The following TRIM9 variants were observed in gnomAD, a reference collection of about 807,000 sequenced individuals.
The protein encoded by TRIM9 is E3 ubiquitin-protein ligase TRIM9.
TRIM9 carries 26 observed loss-of-function variants against 78.3 expected under a neutral mutation model. The observed-to-expected ratio is 0.33, with a 90% CI of 0.24 to 0.46. The LOEUF is 0.46. Ranked by LOEUF, TRIM9 falls within the 20% of genes least tolerant of loss-of-function variation. The probability of loss-of-function intolerance (pLI) is 1.00; values close to 1 mark genes in which losing one functional copy is unlikely to be tolerated. For missense variants in TRIM9, 787 were observed against 1,036.4 expected (o/e 0.76, Z 3.30); for synonymous variants, 398 against 416.5 (o/e 0.96, Z 0.54).
intron 3 of TRIM9, among the ~76,000 whole-genome samples, chr14:51,013,273 C>G (rs2056792047): frequency 6.7e-6 from 1 of 149,890 alleles, no homozygotes; most frequent in Non-Finnish European, 1.5e-5. Flanking sequence ...CCCCACACCA[C>G]TTATTAAAAA....
chr14:51,004,157 G>A (rs1219128402), intron 5 of TRIM9, among the ~76,000 whole-genome samples: 2 of 152,038 alleles, frequency 1.3e-5, no homozygotes, highest in Non-Finnish European at 2.9e-5. Flanking sequence ...ATCATTCTGG[G>A]GCAGCTTTTG....
At chr14:51,047,079 T>C (rs2060005435) in intron 1 of TRIM9, among the ~76,000 whole-genome samples, 2 of 152,206 alleles carry the variant, frequency 1.3e-5, no homozygotes, top group Admixed American at 1.3e-4. Flanking sequence ...GCATAGTGTG[T>C]TGTTTCTCAA....
At chr14:51,004,729 C>T (rs1333257133) in intron 5 of TRIM9, among the ~76,000 whole-genome samples, 4 of 152,182 alleles carry the variant, frequency 2.6e-5, no homozygotes, top group Non-Finnish European at 1.5e-5. Flanking sequence ...TAAGGTTTTA[C>T]AGCTAGTAAG....
At chr14:51,008,989 G>T in intron 5 of TRIM9, 91 bp downstream of exon 5, 2 of 1,313,730 alleles carry the variant, frequency 1.5e-6, no homozygotes, top group Non-Finnish European at 2.1e-6. Context: ...CCATATTCTT[G>T]TTACATTAGC....
At chr14:51,047,563 T>C (rs145546322) in intron 1 of TRIM9, among the ~76,000 whole-genome samples, 3 of 152,366 alleles carry the variant, frequency 2.0e-5, no homozygotes, top group East Asian at 3.9e-4. Context: ...TTACCTCTGA[T>C]GTAAATGTTC....
intron 1 of TRIM9, among the ~76,000 whole-genome samples, chr14:51,058,518 G>T (rs1050504348): frequency 6.6e-6 from 1 of 152,144 alleles, no homozygotes; most frequent in African/African-American, 2.4e-5. Flanking sequence ...ATTGAGATGT[G>T]GAGTGGGGAG....
chr14:51,016,659 A>G (rs2057236482), intron 3 of TRIM9, among the ~76,000 whole-genome samples: 1 of 151,926 alleles, frequency 6.6e-6, no homozygotes, highest in African/African-American at 2.4e-5. Flanking sequence ...GCATCTGTGG[A>G]TTTTGGTATC....
At chr14:50,987,872 G>A (rs1330605539) in intron 7 of TRIM9, among the ~76,000 whole-genome samples, 1 of 152,124 alleles carries the variant, frequency 6.6e-6, no homozygotes, top group African/African-American at 2.4e-5. Flanking sequence ...CACGATCTCA[G>A]CTCACTGCAA....
intron 1 of TRIM9, among the ~76,000 whole-genome samples, chr14:51,091,912 T>C (rs2064371035): frequency 6.6e-6 from 1 of 152,210 alleles, no homozygotes; most frequent in Admixed American, 6.5e-5. Flanking sequence ...TGATTTAACA[T>C]TTCAAATTGA....
In TRIM9 at chr14:50,986,034, C is replaced by G; in HGVS notation, c.1714G>C (p.Gly572Arg). 1 of 1,549,200 alleles carries G rather than the reference C, an allele frequency of 6.5e-7. No individual in the cohort carries two copies. The highest frequency in any genetic ancestry group is 8.7e-7 in the Non-Finnish European group (1 of 1,146,290). ...GATCGGAAATCAAAGTAGGATCTCCCGGGGAAGCTGGGTTGTAGATTAAGG... is the reference window on the plus strand; with the variant it reads ...GATCGGAAATCAAAGTAGGATCTCCGGGGGAAGCTGGGTTGTAGATTAAGG... ...STLNLQPSFP[G>R]RSYFDFRSSP... The change falls in exon 8 of 13, where the codon GGG becomes CGG. Residue 572 changes from glycine (G) to arginine (R), a missense_variant. Physicochemically the swap from Gly to Arg is moderately radical, Grantham distance 125. Around this residue, in one of 3 missense-constraint regions of TRIM9, gnomAD observed 421 missense variants for 514.3 expected, o/e 0.82. Coordinates refer to ENST00000684578, the MANE Select transcript of TRIM9 (RefSeq NM_001387360.1).
At chr14:51,054,639 GC>G (rs572358819) in intron 1 of TRIM9, among the ~76,000 whole-genome samples, 2 of 151,592 alleles carry the variant, frequency 1.3e-5, no homozygotes, top group Admixed American at 1.3e-4. Flanking sequence ...GAGTGCAGTG[GC>G]GCGACTCACT....
chr14:51,000,576 G>C, intron 6 of TRIM9, 107 bp downstream of exon 6: 1 of 1,467,514 alleles, frequency 6.8e-7, no homozygotes, highest in Non-Finnish European at 9.3e-7. Context: ...TGCCAGGATG[G>C]CCTGTCCCCA....
At chr14:51,031,484 G>A (rs1326505554) in intron 1 of TRIM9, among the ~76,000 whole-genome samples, 1 of 152,130 alleles carries the variant, frequency 6.6e-6, no homozygotes, top group East Asian at 1.9e-4. Context: ...ACACCCAGAT[G>A]GATTTCATAC....
chr14:51,072,733 T>G (rs909037998), intron 1 of TRIM9, among the ~76,000 whole-genome samples: 2 of 152,192 alleles, frequency 1.3e-5, no homozygotes, highest in Non-Finnish European at 2.9e-5. Context: ...TTTGAAAATC[T>G]ATTTGCATTC....
chr14:51,081,818 G>A (rs770811386), intron 1 of TRIM9, among the ~76,000 whole-genome samples: 44 of 152,206 alleles, frequency 2.9e-4, no homozygotes, highest in Non-Finnish European at 3.8e-4. Context: ...TGGCAGAGAC[G>A]CATGGAGTAA....
At chr14:51,009,348 C>A (rs1429221680) in intron 4 of TRIM9, 115 bp from the exon 5 acceptor site, 2 of 1,280,080 alleles carry the variant, frequency 1.6e-6, no homozygotes, top group African/African-American at 1.5e-5. Flanking sequence ...GACTCATACT[C>A]TGACTGCCTC....
chr14:50,980,367 A>G (rs2051702423), intron 11 of TRIM9, among the ~76,000 whole-genome samples: 1 of 152,128 alleles, frequency 6.6e-6, no homozygotes, highest in Non-Finnish European at 1.5e-5. Flanking sequence ...TGTCTTTCCC[A>G]TTTTTTTGAG....
intron 1 of TRIM9, among the ~76,000 whole-genome samples, chr14:51,033,315 A>G (rs1406332428): frequency 1.3e-5 from 2 of 150,798 alleles, no homozygotes; most frequent in Non-Finnish European, 3.0e-5. Context: ...CTGGTCTTGA[A>G]CTCCTGACCT....
intron 1 of TRIM9, among the ~76,000 whole-genome samples, chr14:51,057,889 G>A (rs1268868595): frequency 6.6e-6 from 1 of 152,174 alleles, no homozygotes; most frequent in African/African-American, 2.4e-5. Flanking sequence ...CTGTACACAA[G>A]TTTATCCACT....
Sources: allele counts gnomAD v4.1 joint callset (sites outside exome capture counted in the v4.1 genomes callset), GRCh38; gene constraint gnomAD v4.1.1; regional missense constraint gnomAD v4.1.1; transcripts MANE v1.5; gene names NCBI Gene and HGNC (gene_info 2026-07-23, HGNC 2026-07-21).